FCHO2: variants seen among roughly 807,000 people sequenced by gnomAD.
The protein encoded by FCHO2 is F-BAR domain only protein 2.
In FCHO2, 43 loss-of-function variants were observed where a neutral mutation model predicts 114.1. The observed-to-expected ratio is 0.38, with a 90% CI of 0.30 to 0.49. The LOEUF (loss-of-function observed/expected upper bound fraction) is 0.49, where lower values mean the gene tolerates loss of function less well. Ranked by LOEUF, FCHO2 falls within the 20% of genes least tolerant of loss-of-function variation. FCHO2 has a pLI of 0.97. For synonymous variants in FCHO2, 293 were observed against 315.2 expected (o/e 0.93, Z 0.75); for missense variants, 807 against 950.4 (o/e 0.85, Z 1.98).
intron 5 of FCHO2, among the ~76,000 whole-genome samples, chr5:73,002,168 T>G (rs1383642167): frequency 6.6e-6 from 1 of 152,070 alleles, no homozygotes; most frequent in Non-Finnish European, 1.5e-5. Flanking sequence ...GAGAATATCA[T>G]GAGAGGAAAA....
At chr5:73,067,440 C>T (rs559447590) in intron 18 of FCHO2, among the ~76,000 whole-genome samples, 1 of 152,012 alleles carries the variant, frequency 6.6e-6, no homozygotes, top group Non-Finnish European at 1.5e-5. Context: ...AACCTATTGT[C>T]CATCATAATG....
chr5:73,069,796 GTTTT>G (rs1742549304), intron 19 of FCHO2, among the ~76,000 whole-genome samples: 1 of 151,942 alleles, frequency 6.6e-6, no homozygotes, highest in South Asian at 2.1e-4. Context: ...TTGCTCAAGA[GTTTT>G]TTTGTCATCA....
chr5:73,065,973 A>G (rs1742300076), intron 18 of FCHO2, among the ~76,000 whole-genome samples: 1 of 151,998 alleles, frequency 6.6e-6, no homozygotes, highest in Admixed American at 6.6e-5. Context: ...GCTCCCACTT[A>G]TAAGTGAGAA....
chr5:73,085,645 C>T (rs1482482445), intron 24 of FCHO2, among the ~76,000 whole-genome samples: 1 of 151,766 alleles, frequency 6.6e-6, no homozygotes, highest in African/African-American at 2.4e-5. Context: ...TGTGGTGGCA[C>T]GTGCCTGTAG....
chr5:72,962,049 T>G (rs1397595846), intron 1 of FCHO2, among the ~76,000 whole-genome samples: 2 of 152,224 alleles, frequency 1.3e-5, no homozygotes, highest in African/African-American at 4.8e-5. Flanking sequence ...CAGATTCATT[T>G]AACTTGATGC....
Position 72,959,739 on chromosome 5 carries a change from C to CTGTCT in FCHO2, c.33+3622_33+3626dup, listed in dbSNP as rs202044097. Among the ~76,000 whole-genome samples, 1,152 of 151,340 alleles carry CTGTCT rather than the reference C, an allele frequency of 7.6e-3. 14 individuals carry two copies. The highest frequency in any genetic ancestry group is 0.027 in the African/African-American group (1,104 of 41,184). On this transcript the variant is annotated intron_variant, in intron 1 of 25. Coordinates refer to ENST00000430046, the MANE Select transcript of FCHO2 (RefSeq NM_138782.3). ...AGTGAGAACCTTTGATGTTTTAGGT[C>CTGTCT]TGTCTTGTCTTGTCTTCTCTTCTCT...
intron 5 of FCHO2, among the ~76,000 whole-genome samples, chr5:72,994,183 A>C (rs759055273): frequency 6.6e-6 from 1 of 152,240 alleles, no homozygotes; most frequent in Non-Finnish European, 1.5e-5. Flanking sequence ...AGAAACTATC[A>C]AAAGAGTAAA....
chr5:73,044,741 A>G (rs1756975658), intron 11 of FCHO2, among the ~76,000 whole-genome samples: 1 of 151,480 alleles, frequency 6.6e-6, no homozygotes, highest in Non-Finnish European at 1.5e-5. Flanking sequence ...AACAGAAATT[A>G]AGAAACATTT....
At chr5:72,979,686 C>T (rs753017464) in intron 2 of FCHO2, among the ~76,000 whole-genome samples, 166 of 152,088 alleles carry the variant, frequency 1.1e-3, no homozygotes, top group Admixed American at 2.4e-3. Flanking sequence ...CCACCGCGCC[C>T]GGCCGAATTT....
intron 15 of FCHO2, 34 bp from the exon 16 acceptor site, chr5:73,056,031 T>C (rs1389293485): frequency 1.5e-5 from 20 of 1,338,824 alleles, no homozygotes; most frequent in Non-Finnish European, 1.9e-5. Flanking sequence ...ATTTCTCAGA[T>C]TATGAAGTTT....
chr5:73,035,955 C>T (rs905873892), intron 9 of FCHO2, among the ~76,000 whole-genome samples: 1 of 152,020 alleles, frequency 6.6e-6, no homozygotes, highest in African/African-American at 2.4e-5. Context: ...TGATTCTCCT[C>T]CCTTAGCCTC....
At chr5:72,974,440 CCCTTTA>C (rs1483878762) in intron 2 of FCHO2, among the ~76,000 whole-genome samples, 2 of 149,058 alleles carry the variant, frequency 1.3e-5, no homozygotes, top group African/African-American at 5.0e-5. Context: ...TTGAATTGAT[CCCTTTA>C]CTATTATGTA....
chr5:73,018,616 C>T (rs2073529074), intron 8 of FCHO2, among the ~76,000 whole-genome samples: 1 of 151,030 alleles, frequency 6.6e-6, no homozygotes, highest in Admixed American at 6.6e-5. Context: ...GTTTGCTATA[C>T]AGCCAAAAGA....
intron 3 of FCHO2, among the ~76,000 whole-genome samples, chr5:72,989,862 T>C (rs1309913771): frequency 1.3e-5 from 2 of 152,086 alleles, no homozygotes; most frequent in Non-Finnish European, 2.9e-5. Context: ...TCACTTAAGA[T>C]AAACTTTATT....
chr5:73,037,358 A>G, intron 10 of FCHO2, 143 bp downstream of exon 10: 2 of 445,466 alleles, frequency 4.5e-6, no homozygotes. Flanking sequence ...CTTTCTAAAT[A>G]TTAATAAATA....
intron 2 of FCHO2, among the ~76,000 whole-genome samples, chr5:72,977,017 G>A (rs1752928557): frequency 6.6e-6 from 1 of 152,130 alleles, no homozygotes; most frequent in African/African-American, 2.4e-5. Flanking sequence ...TCTTTATCCA[G>A]TCTGTGATTG....
At chr5:73,049,508 A>G (rs1252393999) in intron 11 of FCHO2, among the ~76,000 whole-genome samples, 2 of 151,518 alleles carry the variant, frequency 1.3e-5, no homozygotes, top group South Asian at 2.1e-4. Context: ...TATCTCACAT[A>G]TTTGTGATAT....
intron 5 of FCHO2, 39 bp downstream of exon 5, chr5:72,990,903 C>G (rs1753776226): frequency 6.6e-7 from 1 of 1,509,140 alleles, no homozygotes. Flanking sequence ...GGTTTCAAAG[C>G]ACCTTGACAT....
At chr5:72,959,207 T>A (rs570412011) in intron 1 of FCHO2, among the ~76,000 whole-genome samples, 65 of 152,294 alleles carry the variant, frequency 4.3e-4, no homozygotes, top group African/African-American at 1.4e-3. Flanking sequence ...CTTCCGAGAA[T>A]TTATAGTTGT....
Sources: gnomAD v4.1 joint callset for allele counts (sites outside exome capture counted in the v4.1 genomes callset) on GRCh38, gnomAD v4.1.1 for gene constraint, MANE v1.5 for transcripts, NCBI Gene and HGNC (gene_info 2026-07-23, HGNC 2026-07-21) for gene names.